Variants in C5 observed in about 807,000 individuals in gnomAD.
C5 encodes the protein complement C5.
C5 carries 140 observed loss-of-function variants against 218.8 expected under a neutral mutation model. The observed-to-expected ratio is 0.64, with a 90% CI of 0.56 to 0.74. C5 has a LOEUF of 0.74. Ranked by LOEUF, C5 falls within the 30% of genes least tolerant of loss-of-function variation. C5 has a pLI of 0.00. For synonymous variants in C5, 614 were observed against 682.3 expected, an observed-to-expected ratio of 0.90 and a Z score of 1.56; for missense variants, 1,700 against 1,969.6, an observed-to-expected ratio of 0.86 and a Z score of 2.59.
At chr9:121,061,909 A>T in the C5 span, among the ~76,000 whole-genome samples, 1 of 152,226 alleles carries the variant, frequency 6.6e-6, no homozygotes, top group African/African-American at 2.4e-5. Flanking sequence ...GAGGACAAGG[A>T]AAGCCTGAAA....
intron 1 of C5, among the ~76,000 whole-genome samples, chr9:121,049,162 T>C (rs1299279320): frequency 6.6e-6 from 1 of 152,214 alleles, no homozygotes; most frequent in Non-Finnish European, 1.5e-5. Context: ...ATTGCCATGT[T>C]GTAAATGGTA....
At chr9:121,065,931 A>G in the C5 span, among the ~76,000 whole-genome samples, 1 of 152,266 alleles carries the variant, frequency 6.6e-6, no homozygotes, top group East Asian at 1.9e-4. Context: ...GTAAAAGAAC[A>G]GGAATAAGTA....
At chr9:121,049,282 T>C (rs920967972) in intron 1 of C5, among the ~76,000 whole-genome samples, 8 of 152,316 alleles carry the variant, frequency 5.3e-5, no homozygotes, top group Admixed American at 4.6e-4. Context: ...CTAGCCCTAG[T>C]TCTGCCACCA....
chr9:121,043,040 G>A lies in C5; in HGVS notation c.385C>T (p.His129Tyr). 2 of 1,612,796 alleles carry A rather than the reference G, an allele frequency of 1.2e-6. No homozygotes were observed. The highest frequency in any genetic ancestry group is 1.7e-6 in the Non-Finnish European group (2 of 1,179,100). Reference protein sequence around the residue: ...ITYDNGFLFIHTDKPVYTPDQ... With the variant: ...ITYDNGFLFIYTDKPVYTPDQ... ...GGAGTATAAACAGGTTTGTCTGTAT[G>A]AATGAAGAGAAATCCATTGTCATAG... Residue 129 changes from histidine (H) to tyrosine (Y), a missense_variant, in exon 3 of 41, where the codon CAT becomes TAT. Coordinates refer to ENST00000223642, the MANE Select transcript of C5 (RefSeq NM_001735.3).
intron 3 of C5, among the ~76,000 whole-genome samples, chr9:121,040,870 G>A (rs7853597): frequency 0.025 from 3,811 of 151,900 alleles, 155 homozygotes; most frequent in African/African-American, 0.087. Flanking sequence ...GCAGAAATGG[G>A]CCAATATTTA....
At chr9:121,003,787 ACT>A (rs35882812) in intron 20 of C5, among the ~76,000 whole-genome samples, 3 of 152,176 alleles carry the variant, frequency 2.0e-5, no homozygotes, top group Non-Finnish European at 2.9e-5. Context: ...TTTATGCCAA[ACT>A]CTCTCTCATT....
At chr9:121,011,657 G>C (rs772877786) in intron 17 of C5, among the ~76,000 whole-genome samples, 22 of 152,252 alleles carry the variant, frequency 1.4e-4, no homozygotes, top group Non-Finnish European at 3.2e-4. Flanking sequence ...TCAGTACATC[G>C]AAGAGATATC....
At chr9:121,041,297 CTTTTT>C (rs386416117) in intron 3 of C5, among the ~76,000 whole-genome samples, 17 of 72,682 alleles carry the variant, frequency 2.3e-4, no homozygotes, top group Admixed American at 4.7e-4. Flanking sequence ...TACATGAAGC[CTTTTT>C]TTTTTTTTTT....
chr9:120,957,158 A>T, intron 39 of C5, 127 bp downstream of exon 39: 1 of 722,110 alleles, frequency 1.4e-6, no homozygotes, highest in South Asian at 1.4e-5. Context: ...AGTAGAATAT[A>T]AGCTTTAAAA....
At chr9:120,993,706 G>A (rs1408333400) in intron 22 of C5, among the ~76,000 whole-genome samples, 1 of 152,198 alleles carries the variant, frequency 6.6e-6, no homozygotes, top group Non-Finnish European at 1.5e-5. Flanking sequence ...ACAGGCGTGA[G>A]CCACCGCGCC....
intron 17 of C5, among the ~76,000 whole-genome samples, chr9:121,010,143 G>C (rs541278552): frequency 6.6e-6 from 1 of 152,336 alleles, no homozygotes; most frequent in African/African-American, 2.4e-5. Flanking sequence ...AGAACAATTA[G>C]ACAAGAGAAG....
chr9:121,062,277 G>A, the C5 span, among the ~76,000 whole-genome samples: 2 of 152,172 alleles, frequency 1.3e-5, no homozygotes, highest in Non-Finnish European at 2.9e-5. Flanking sequence ...AGGGTATTGT[G>A]AATGCTCTGT....
Position 120,960,145 on chromosome 9 carries a change from T to C in C5, c.4678+103A>G, listed in dbSNP as rs139400315. On this transcript the variant is annotated intron_variant, in intron 38 of 40. Coordinates refer to ENST00000223642, the MANE Select transcript of C5 (RefSeq NM_001735.3). Reference sequence around the variant, plus strand: ...TTCCTTCAGGGGATCACATGGAATGTTGTATTCATATAATCACTATATAAA... The same window carrying C: ...TTCCTTCAGGGGATCACATGGAATGCTGTATTCATATAATCACTATATAAA... 48 of 758,476 alleles carry C rather than the reference T, an allele frequency of 6.3e-5. No individual in the cohort carries two copies. In the African/African-American group the frequency reaches 7.1e-4, roughly 11 times the overall value. 47.0% of individuals were successfully genotyped at this position (758,476 alleles called of 1,614,324 possible). A position where few individuals can be genotyped will look rare whatever the true frequency, so the allele number is the denominator to read the frequency against.
At chr9:121,059,003 G>A in the C5 span, among the ~76,000 whole-genome samples, 1 of 152,216 alleles carries the variant, frequency 6.6e-6, no homozygotes, top group African/African-American at 2.4e-5. The surrounding 1 kb of genome is among the most constrained non-coding windows in gnomAD (Gnocchi z 4.1). Flanking sequence ...GTGAGAGGTG[G>A]AAAGAGTCAG....
chr9:120,962,094 C>T lies in C5; in HGVS notation c.4505-529G>A, dbSNP rs113604884. On this transcript the variant is annotated intron_variant, in intron 36 of 40. Coordinates refer to ENST00000223642, the MANE Select transcript of C5 (RefSeq NM_001735.3). ...TGTGATCCAATAAGCTCTCCAACCA[C>T]ATAACATTCTCAAAAATGGCTGAAT... Among the ~76,000 whole-genome samples the T allele has an allele frequency of 3.9e-5, 6 of 152,160 alleles. 1 individual carries two copies. The South Asian group carries it at 8.3e-4, about 21-fold the overall frequency.
At chr9:121,038,453 C>T (rs182830986) in intron 3 of C5, among the ~76,000 whole-genome samples, 1 of 152,304 alleles carries the variant, frequency 6.6e-6, no homozygotes, top group Admixed American at 6.5e-5. Context: ...TTGCAAAAGG[C>T]AGCTTTGGAT....
intron 1 of C5, 123 bp downstream of exon 1, chr9:121,050,059 C>T: frequency 1.2e-6 from 1 of 812,280 alleles, no homozygotes; most frequent in East Asian, 2.5e-5. Context: ...AGAGATGATA[C>T]TATTCACTTG....
chr9:121,021,475 G>T (rs755566113), intron 11 of C5, 34 bp downstream of exon 11: 2 of 1,557,738 alleles, frequency 1.3e-6, no homozygotes, highest in Non-Finnish European at 1.8e-6. Context: ...AGTACACATT[G>T]TCCTAGAAAA....
At chr9:121,055,655 G>A in the C5 span, among the ~76,000 whole-genome samples, 1 of 152,176 alleles carries the variant, frequency 6.6e-6, no homozygotes, top group Admixed American at 6.5e-5. Context: ...CTGCCCGGTT[G>A]GTACGGACTT....
Sources: gnomAD v4.1 joint callset for allele counts (sites outside exome capture counted in the v4.1 genomes callset) on GRCh38, gnomAD v4.1.1 for gene constraint, Gnocchi (gnomAD v3.1) non-coding constraint, MANE v1.5 for transcripts, NCBI Gene and HGNC (gene_info 2026-07-23, HGNC 2026-07-21) for gene names.